The following THSD1 variants were observed in gnomAD, a reference collection of about 807,000 sequenced individuals.
THSD1 encodes the protein thrombospondin type-1 domain-containing protein 1.
THSD1 carries 34 observed loss-of-function variants against 46.3 expected under a neutral mutation model. That is an observed-to-expected ratio of 0.74 (90% CI 0.56 to 0.98). The LOEUF is 0.98. THSD1 is among the 50% of genes least tolerant of loss of function. THSD1 has a pLI of 0.00. For synonymous variants in THSD1, 407 were observed against 416.5 expected (o/e 0.98, Z 0.28); for missense variants, 1,023 against 1,058.3 (o/e 0.97, Z 0.46).
chr13:52,380,792 T>C (rs554296153), intron 4 of THSD1, among the ~76,000 whole-genome samples: 1 of 152,258 alleles, frequency 6.6e-6, no homozygotes, highest in Non-Finnish European at 1.5e-5. Flanking sequence ...CCTATTGCTC[T>C]TTCCAACCTG....
At chr13:52,380,842 G>A (rs1957686792) in intron 4 of THSD1, among the ~76,000 whole-genome samples, 1 of 151,868 alleles carries the variant, frequency 6.6e-6, no homozygotes, top group Admixed American at 6.6e-5. Flanking sequence ...TTCCTTTGAT[G>A]CCCATGCCAT....
At chr13:52,401,208 C>T (rs188883136) in intron 2 of THSD1, among the ~76,000 whole-genome samples, 4 of 152,172 alleles carry the variant, frequency 2.6e-5, no homozygotes, top group Non-Finnish European at 4.4e-5. Context: ...CTCTTGACCT[C>T]GTGATCTGCC....
At chr13:52,402,983 C>G (rs1197821207) in intron 1 of THSD1, 1 of 981,786 alleles carries the variant, frequency 1.0e-6, no homozygotes, top group African/African-American at 1.8e-5. Context: ...TTGTTATTTG[C>G]TTAATTTTAT....
In THSD1 at chr13:52,377,962, T is replaced by C. The variant is rs1382162869; in HGVS notation, c.2008A>G (p.Met670Val). The C allele has an allele frequency of 1.2e-6, 2 of 1,614,018 alleles. No homozygotes were observed. Among genetic ancestry groups the C allele is most frequent in the South Asian group, 2.2e-5 (2 of 91,092 alleles). ...RQARPFRERSMSTLTPRQAPA... is the reference protein window; with the variant it reads ...RQARPFRERSVSTLTPRQAPA... ...GCCTGCCGTGGAGTCAGAGTGGACA[T>C]GCTCCTCTCTCGGAACGGCCGGGCC... Residue 670 changes from methionine (M) to valine (V), a missense_variant, in exon 5 of 5, where the codon ATG becomes GTG. By Grantham distance (21) the Met-to-Val change is conservative. This residue lies in a region of THSD1 where 578 missense variants were observed against 497.4 expected (regional missense o/e 1.16). Transcript: ENST00000258613.
At position 52,386,415 on chromosome 13, in the gene THSD1, C is replaced by T. The variant is rs192088464; in HGVS notation, c.1022-229G>A. On this transcript the variant is annotated intron_variant, in intron 3 of 4. Transcript: ENST00000258613. Reference sequence around the variant, plus strand: ...CCAGAACCCAAAAAAGAGCTGAGGTCGCAGGACAACTAACTGTGCTGCAAT... The same window carrying T: ...CCAGAACCCAAAAAAGAGCTGAGGTTGCAGGACAACTAACTGTGCTGCAAT... 5.3e-5 allele frequency among the ~76,000 whole-genome samples: 8 copies of T among 152,066 alleles called. 1 individual carries two copies. Among genetic ancestry groups the T allele is most frequent in the Admixed American group, 3.3e-4 (5 of 15,278 alleles).
At chr13:52,399,801 T>C (rs1020550015) in intron 2 of THSD1, among the ~76,000 whole-genome samples, 5 of 152,188 alleles carry the variant, frequency 3.3e-5, no homozygotes, top group African/African-American at 9.7e-5. Context: ...CTGGTGCAGC[T>C]TGTGTACTGG....
chr13:52,384,377 A>G (rs372502684), intron 4 of THSD1: 6 of 455,974 alleles, frequency 1.3e-5, no homozygotes, highest in African/African-American at 6.0e-5. Flanking sequence ...TTCTAGCTTC[A>G]TGATCTTGGA....
At chr13:52,401,542 G>A (rs745784618) in intron 2 of THSD1, among the ~76,000 whole-genome samples, 6 of 152,058 alleles carry the variant, frequency 3.9e-5, no homozygotes, top group East Asian at 1.9e-4. Flanking sequence ...CTGGTGATCC[G>A]CCCACCCCGG....
intron 1 of THSD1, chr13:52,403,086 A>G: frequency 4.2e-6 from 2 of 474,994 alleles, no homozygotes; most frequent in Non-Finnish European, 5.5e-6. Flanking sequence ...CTAAACTTTA[A>G]TTTAGCATTG....
chr13:52,385,397 G>A (rs145265963), intron 4 of THSD1, among the ~76,000 whole-genome samples: 2 of 152,284 alleles, frequency 1.3e-5, no homozygotes, highest in East Asian at 1.9e-4. Context: ...TGAGCCGTGT[G>A]AGCAACATAT....
intron 3 of THSD1, among the ~76,000 whole-genome samples, chr13:52,394,798 G>C (rs1407684281): frequency 6.6e-6 from 1 of 152,140 alleles, no homozygotes; most frequent in Non-Finnish European, 1.5e-5. Context: ...AAGCTTCATA[G>C]CAGCACGAGT....
In THSD1 at chr13:52,378,643, C is replaced by T; in HGVS notation, c.1327G>A (p.Ala443Thr). ...TGTCGAGCAGGTGTGCTGCACTTGG[C>T]TGGCCGGCCGAACCTCCTCCACAGC... is the stretch of plus-strand genomic sequence containing the variant. Reference protein sequence around the residue: ...ITLWRRFGRPAKCSTPARHNS... With the variant: ...ITLWRRFGRPTKCSTPARHNS... Residue 443 changes from alanine (A) to threonine (T), a missense_variant, in exon 5 of 5, where the codon GCC (alanine) becomes ACC (threonine). Ala to Thr is a moderately conservative substitution (Grantham distance 58). Coordinates refer to ENST00000258613, the MANE Select transcript of THSD1 (RefSeq NM_018676.4). 6.2e-7 allele frequency: 1 copy of T among 1,614,106 alleles called. No homozygotes were observed. Among genetic ancestry groups the T allele is most frequent in the Non-Finnish European group, 8.5e-7 (1 of 1,180,022 alleles).
chr13:52,391,171 A>G (rs1428476099), intron 3 of THSD1, among the ~76,000 whole-genome samples: 1 of 152,090 alleles, frequency 6.6e-6, no homozygotes, highest in Non-Finnish European at 1.5e-5. Context: ...GCAGGATCTG[A>G]TAGATCTTGG....
chr13:52,404,136 CG>C (rs1566076964), intron 1 of THSD1, among the ~76,000 whole-genome samples: 3 of 151,476 alleles, frequency 2.0e-5, no homozygotes, highest in African/African-American at 7.3e-5. Flanking sequence ...TTAGTAGAAA[CG>C]GTGTTTCACC....
Position 52,378,029 on chromosome 13 carries a change from G to A in THSD1, c.1941C>T (p.Asn647=). The change falls in exon 5 of 5, where the codon AAC becomes AAT. Residue 647 remains asparagine (N), a synonymous_variant. Coordinates refer to ENST00000258613, the MANE Select transcript of THSD1 (RefSeq NM_018676.4). ...AACTCGCTGTCCTCCTGAAATGGGC[G>A]TTCCTGGCATGGCTCCTTTCGGACG... ...GGPSERSHAR[N]AHFRRTASFH... 6.2e-7 allele frequency: 1 copy of A among 1,614,154 alleles called. No individual in the cohort carries two copies. Among genetic ancestry groups the A allele is most frequent in the Non-Finnish European group, 8.5e-7 (1 of 1,180,044 alleles).
intron 1 of THSD1, among the ~76,000 whole-genome samples, chr13:52,405,197 G>A (rs1280395527): frequency 2.0e-5 from 3 of 152,166 alleles, no homozygotes; most frequent in Non-Finnish European, 4.4e-5. Flanking sequence ...AGAAGGTGGG[G>A]AAAAGTTGTG....
In THSD1 at chr13:52,377,477, T is replaced by C; in HGVS notation, c.2493A>G (p.Gly831=). 1 of 1,561,386 alleles carries C rather than the reference T, an allele frequency of 6.4e-7. No individual in the cohort carries two copies. The highest frequency in any genetic ancestry group is 1.2e-5 in the South Asian group (1 of 83,950). Residue 831 remains glycine (G), a synonymous_variant, in exon 5 of 5, where the codon GGA becomes GGG. Coordinates refer to ENST00000258613, the MANE Select transcript of THSD1 (RefSeq NM_018676.4). ...EAEQRMLDLP[G]YFGSNEEDET... is the part of the protein sequence containing the mutation. Reference sequence around the variant, plus strand: ...CATCCTCTTCATTTGACCCAAAATATCCTGGGAGGTCCAGCATCCTCTGCT... The same window carrying C: ...CATCCTCTTCATTTGACCCAAAATACCCTGGGAGGTCCAGCATCCTCTGCT...
chr13:52,403,483 T>TTTTA (rs1248080355), intron 1 of THSD1, among the ~76,000 whole-genome samples: 2 of 152,140 alleles, frequency 1.3e-5, no homozygotes, highest in Non-Finnish European at 2.9e-5. Flanking sequence ...ACTTATTTTA[T>TTTTA]TTTATTTATT....
rs1436929408 is a variant in THSD1 at position 52,397,745 on chromosome 13, T to C, written c.508A>G (p.Ile170Val). ...GCCTCAGGAAGACTGTTGGTGAAGA[T>C]GACATCCACTACGATGTTGGGCTTG... is the stretch of plus-strand genomic sequence containing the variant. ...VDKPNIVVDV[I>V]FTNSLPEARR... The change falls in exon 3 of 5, where the codon ATC (isoleucine) becomes GTC (valine). Residue 170 changes from isoleucine to valine, a missense_variant. Ile to Val is a conservative substitution (Grantham distance 29). This residue lies in a region of THSD1 where 429 missense variants were observed against 518.3 expected (regional missense o/e 0.83). Coordinates refer to ENST00000258613, the MANE Select transcript of THSD1 (RefSeq NM_018676.4). The C allele has an allele frequency of 1.9e-6, 3 of 1,614,232 alleles. No homozygotes were observed. Among genetic ancestry groups the C allele is most frequent in the African/African-American group, 2.7e-5 (2 of 75,068 alleles).
Sources: allele counts gnomAD v4.1 joint callset (sites outside exome capture counted in the v4.1 genomes callset), GRCh38; gene constraint gnomAD v4.1.1; regional missense constraint gnomAD v4.1.1; transcripts MANE v1.5; gene names NCBI Gene and HGNC (gene_info 2026-07-23, HGNC 2026-07-21).